KANSL1: variants seen among roughly 807,000 people sequenced by gnomAD.
KANSL1 encodes the protein KAT8 regulatory NSL complex subunit 1, also known as MLL1/MLL complex subunit KANSL1.
In KANSL1, 22 loss-of-function variants were observed where a neutral mutation model predicts 103.6. The ratio of observed to expected loss-of-function variants is 0.21; its 90% CI spans 0.15 to 0.30. The LOEUF (loss-of-function observed/expected upper bound fraction) is 0.30, where lower values mean the gene tolerates loss of function less well. Ranked by LOEUF, KANSL1 falls within the 10% of genes least tolerant of loss-of-function variation. The probability of loss-of-function intolerance (pLI) is 1.00; values close to 1 mark genes in which losing one functional copy is unlikely to be tolerated. For missense variants in KANSL1, 1,337 were observed against 1,399.8 expected (o/e 0.96, Z 0.72); for synonymous variants, 600 against 527.6 (o/e 1.14, Z -1.88).
chr17:46,104,601 T>C (rs2042452235), intron 2 of KANSL1, among the ~76,000 whole-genome samples: 1 of 152,192 alleles, frequency 6.6e-6, no homozygotes, highest in Non-Finnish European at 1.5e-5. Context: ...TTGCAAAAAA[T>C]ATAAACAATA....
intron 1 of KANSL1, among the ~76,000 whole-genome samples, chr17:46,175,805 T>C (rs1237198901): frequency 6.6e-6 from 1 of 152,226 alleles, no homozygotes; most frequent in Non-Finnish European, 1.5e-5. Context: ...TGTTGTCTTT[T>C]CCCATTTCTA....
intron 1 of KANSL1, among the ~76,000 whole-genome samples, chr17:46,214,002 A>G (rs911703415): frequency 1.3e-5 from 2 of 152,192 alleles, no homozygotes; most frequent in African/African-American, 4.8e-5. Context: ...CCTGGCACAT[A>G]TAAACATCAC....
At chr17:46,040,760 C>T (rs2077285206) in intron 7 of KANSL1, 1 of 152,232 alleles carries the variant, frequency 6.6e-6, no homozygotes, top group Admixed American at 6.5e-5. Flanking sequence ...TGTTCCACCA[C>T]CAATACTGAA....
At chr17:46,219,018 T>C (rs2048429341) in intron 1 of KANSL1, among the ~76,000 whole-genome samples, 1 of 152,022 alleles carries the variant, frequency 6.6e-6, no homozygotes, top group Non-Finnish European at 1.5e-5. Context: ...CCCAGCACTT[T>C]GGGAGGCCGA....
chr17:46,179,117 C>G (rs1308152344), intron 1 of KANSL1, among the ~76,000 whole-genome samples: 1 of 152,144 alleles, frequency 6.6e-6, no homozygotes, highest in African/African-American at 2.4e-5. Context: ...CTAGTAGTGC[C>G]CTTCTGAAAA....
chr17:46,142,228 A>G (rs982936053), intron 2 of KANSL1, among the ~76,000 whole-genome samples: 1 of 152,286 alleles, frequency 6.6e-6, no homozygotes, highest in African/African-American at 2.4e-5. Flanking sequence ...ATCAACAGAC[A>G]AAAATTTAAA....
At chr17:46,158,141 CTTTGACA>C (rs1413799854) in intron 2 of KANSL1, among the ~76,000 whole-genome samples, 2 of 152,196 alleles carry the variant, frequency 1.3e-5, no homozygotes, top group East Asian at 3.8e-4. Context: ...GAAATTCTGC[CTTTGACA>C]TTTGACGGTG....
chr17:46,067,411 G>A (rs2078418836), intron 5 of KANSL1, 138 bp downstream of exon 5: 1 of 665,908 alleles, frequency 1.5e-6, no homozygotes, highest in African/African-American at 1.8e-5. Flanking sequence ...TCATTATACA[G>A]TGAAGATTAA....
chr17:46,078,871 C>T (rs991984837), intron 4 of KANSL1, among the ~76,000 whole-genome samples: 5 of 152,108 alleles, frequency 3.3e-5, no homozygotes, highest in Non-Finnish European at 5.9e-5. Flanking sequence ...AAGGGCACAC[C>T]CTCTTTGTTC....
At chr17:46,186,023 T>C (rs2047015213) in intron 1 of KANSL1, among the ~76,000 whole-genome samples, 1 of 151,874 alleles carries the variant, frequency 6.6e-6, no homozygotes, top group Non-Finnish European at 1.5e-5. Flanking sequence ...CAAGCCCTAA[T>C]GGTTGGTGTA....
intron 2 of KANSL1, among the ~76,000 whole-genome samples, chr17:46,107,880 A>C (rs1375575055): frequency 6.6e-6 from 1 of 152,004 alleles, no homozygotes; most frequent in Non-Finnish European, 1.5e-5. Context: ...TCAACCCCCC[A>C]CCACCTCTAT....
At position 46,033,178 on chromosome 17, in the gene KANSL1, G is replaced by A. The variant is rs755326320; in HGVS notation, c.2739C>T (p.Ser913=). 2.2e-5 allele frequency: 36 copies of A among 1,600,094 alleles called. No homozygotes were observed. Among genetic ancestry groups the A allele is most frequent in the African/African-American group, 5.4e-5 (4 of 74,648 alleles). The change falls in exon 13 of 15, where the codon TCC becomes TCT. Residue 913 remains serine (S), a synonymous_variant. Transcript: ENST00000432791. ...CATGCAGGGCGGCGAAGGCTGCGTC[G>A]GATAGGTCCTCAATCTGCAATAGAG... ...DEENEEIEDL[S]DAAFAALHAK...
At chr17:46,042,787 G>GGA (rs979928565) in intron 7 of KANSL1, 3 of 78,636 alleles carry the variant, frequency 3.8e-5, no homozygotes, top group Non-Finnish European at 6.6e-5. Flanking sequence ...CTGAGTTGGG[G>GGA]AAAAAAAAAA....
intron 3 of KANSL1, among the ~76,000 whole-genome samples, chr17:46,087,720 T>G (rs2079219164): frequency 6.6e-6 from 1 of 152,208 alleles, no homozygotes. Flanking sequence ...ATTTAATATA[T>G]TTTGAGCTAT....
At chr17:46,167,974 A>G (rs972687817) in intron 2 of KANSL1, among the ~76,000 whole-genome samples, 2 of 152,240 alleles carry the variant, frequency 1.3e-5, no homozygotes, top group African/African-American at 4.8e-5. Context: ...CTCCTCTACT[A>G]AATATTTTCA....
chr17:46,200,038 T>TACACACACACACACACACACACAC (rs143234563), intron 1 of KANSL1, among the ~76,000 whole-genome samples: 1 of 147,376 alleles, frequency 6.8e-6, no homozygotes, highest in Non-Finnish European at 1.5e-5. Context: ...TCAATGAGTT[T>TACACACACACACACACACACACAC]ACACACACAC....
At position 46,115,889 on chromosome 17, in the gene KANSL1, T is replaced by G. The variant is rs2043024979; in HGVS notation, c.1290-21188A>C. 2.0e-5 allele frequency among the ~76,000 whole-genome samples: 3 copies of G among 152,362 alleles called. No homozygotes were observed. In the South Asian group the frequency reaches 6.2e-4, roughly 32 times the overall value. ...CATCAGGCAAATGCCACATAACTGC[T>G]GGACAGTAAGTTATCACCACAGTAG... is the stretch of plus-strand genomic sequence containing the variant. On this transcript the variant is annotated intron_variant, in intron 2 of 14. Transcript: ENST00000432791.
intron 2 of KANSL1, among the ~76,000 whole-genome samples, chr17:46,130,794 T>C (rs2043828418): frequency 6.6e-6 from 1 of 152,152 alleles, no homozygotes; most frequent in Non-Finnish European, 1.5e-5. Flanking sequence ...AGTTTGTCCC[T>C]CCTCTTTCCC....
At chr17:46,118,782 C>T (rs1274480916) in intron 2 of KANSL1, among the ~76,000 whole-genome samples, 2 of 152,174 alleles carry the variant, frequency 1.3e-5, no homozygotes, top group Non-Finnish European at 2.9e-5. Flanking sequence ...GGATAAACAA[C>T]CAATAGTCAG....
Sources: allele counts gnomAD v4.1 joint callset (sites outside exome capture counted in the v4.1 genomes callset), GRCh38; gene constraint gnomAD v4.1.1; transcripts MANE v1.5; gene names NCBI Gene and HGNC (gene_info 2026-07-23, HGNC 2026-07-21).